Variants in L3MBTL4 observed in about 807,000 individuals in gnomAD.
L3MBTL4 encodes the protein L3MBTL histone methyl-lysine binding protein 4.
A neutral mutation model predicts 84.5 loss-of-function variants in L3MBTL4; 70 were observed. That is an observed-to-expected ratio of 0.83 (90% confidence interval 0.68 to 1.01). The LOEUF is 1.01. Among genes scored for constraint, L3MBTL4 ranks in the 50% least tolerant of loss-of-function variants. L3MBTL4 has a pLI of 0.00. For missense variants in L3MBTL4, 715 were observed against 754.8 expected (o/e 0.95, Z 0.62); for synonymous variants, 274 against 259.8 (o/e 1.05, Z -0.52).
intron 1 of L3MBTL4, among the ~76,000 whole-genome samples, chr18:6,359,969 C>G (rs1266741507): frequency 6.6e-6 from 1 of 152,082 alleles, no homozygotes; most frequent in African/African-American, 2.4e-5. Context: ...GTTAATAATT[C>G]AGAAGCACCA....
At chr18:6,033,355 G>T (rs2145629719) in intron 16 of L3MBTL4, among the ~76,000 whole-genome samples, 1 of 152,112 alleles carries the variant, frequency 6.6e-6, no homozygotes, top group Admixed American at 6.5e-5. Context: ...AATCTCTTGT[G>T]TCTTTGGATC....
At chr18:6,342,646 TG>T (rs1229572173) in intron 1 of L3MBTL4, among the ~76,000 whole-genome samples, 10 of 151,522 alleles carry the variant, frequency 6.6e-5, no homozygotes. Context: ...TGAAAGGAAA[TG>T]GCAACAGAGG....
At chr18:6,023,263 T>C (rs1442931153) in intron 16 of L3MBTL4, among the ~76,000 whole-genome samples, 1 of 152,184 alleles carries the variant, frequency 6.6e-6, no homozygotes. Flanking sequence ...GAGATGATAA[T>C]AAAACTGGAA....
chr18:6,304,180 T>C (rs2050478053), intron 3 of L3MBTL4, among the ~76,000 whole-genome samples: 2 of 152,218 alleles, frequency 1.3e-5, no homozygotes, highest in Admixed American at 1.3e-4. Context: ...CTTTTTTTAG[T>C]TCCTTTTTCA....
At chr18:6,405,595 AGGAAATGAGCCCGAGG>A (rs926070911) in intron 1 of L3MBTL4, among the ~76,000 whole-genome samples, 1 of 152,312 alleles carries the variant, frequency 6.6e-6, no homozygotes, top group African/African-American at 2.4e-5. Context: ...TGCTAAATAC[AGGAAATGAGCCCGAGG>A]GCCCACTAAA....
At chr18:6,240,975 C>T (rs2047426345) in intron 8 of L3MBTL4, among the ~76,000 whole-genome samples, 1 of 152,324 alleles carries the variant, frequency 6.6e-6, no homozygotes, top group East Asian at 1.9e-4. Context: ...TTTCATTACA[C>T]TTAAATATAT....
At chr18:6,037,744 C>T (rs1483725145) in intron 16 of L3MBTL4, among the ~76,000 whole-genome samples, 1 of 152,224 alleles carries the variant, frequency 6.6e-6, no homozygotes, top group Non-Finnish European at 1.5e-5. Context: ...CAACTGTAGC[C>T]TCTGTTAACA....
At position 6,346,495 on chromosome 18, in the gene L3MBTL4, CA is replaced by C. The variant is rs560369575; in HGVS notation, c.-90-34440del. On this transcript the variant is annotated intron_variant, in intron 1 of 18. Coordinates refer to ENST00000317931, the MANE Select transcript of L3MBTL4 (RefSeq NM_001330559.2). ...ATAAGCAACTCATATAATTCAACTA[CA>C]AAAAAAATTTAAAAACCTGATATTA... Among the ~76,000 whole-genome samples, 12 of 151,516 alleles carry C rather than the reference CA, an allele frequency of 7.9e-5. No homozygotes were observed. In the East Asian group the frequency reaches 2.3e-3, roughly 29 times the overall value.
rs1176287331 is a variant in L3MBTL4 at position 6,130,006 on chromosome 18, T to C, written c.1199+8188A>G. Among the ~76,000 whole-genome samples the C allele has an allele frequency of 3.9e-5, 6 of 152,372 alleles. No individual in the cohort carries two copies. The East Asian group carries it at 9.6e-4, about 24-fold the overall frequency. ...CTCCTTATATTATTTTATTTCTCCT[T>C]ATATTTTCTGCCATTGTACTTCCCA... On this transcript the variant is annotated intron_variant, in intron 14 of 18. Transcript: ENST00000317931.
intron 14 of L3MBTL4, among the ~76,000 whole-genome samples, chr18:6,116,263 C>T (rs1223603768): frequency 2.0e-5 from 3 of 151,888 alleles, no homozygotes; most frequent in East Asian, 3.9e-4. Flanking sequence ...AGTCATGTGA[C>T]AGGGCTCCAA....
intron 16 of L3MBTL4, among the ~76,000 whole-genome samples, chr18:6,071,128 T>C (rs1366835736): frequency 6.6e-6 from 1 of 152,078 alleles, no homozygotes; most frequent in Non-Finnish European, 1.5e-5. Flanking sequence ...CAGTGGCTTA[T>C]ACCTGTTATC....
intron 16 of L3MBTL4, among the ~76,000 whole-genome samples, chr18:5,995,177 A>G (rs1442815328): frequency 3.9e-5 from 6 of 152,254 alleles, no homozygotes; most frequent in Admixed American, 1.3e-4. Flanking sequence ...TGCTTTCCAC[A>G]GCGGCGACCA....
intron 16 of L3MBTL4, among the ~76,000 whole-genome samples, chr18:6,012,183 G>A (rs1248580799): frequency 6.6e-6 from 1 of 152,144 alleles, no homozygotes; most frequent in Non-Finnish European, 1.5e-5. Flanking sequence ...TAGAGGAAAA[G>A]CAGAAAACAC....
chr18:6,184,309 C>T (rs1253675310), intron 12 of L3MBTL4, among the ~76,000 whole-genome samples: 4 of 152,106 alleles, frequency 2.6e-5, no homozygotes, highest in Non-Finnish European at 4.4e-5. Flanking sequence ...AGGACAGAAA[C>T]CGTATTTTCT....
At chr18:6,316,423 C>T (rs538137264) in intron 1 of L3MBTL4, among the ~76,000 whole-genome samples, 6 of 152,294 alleles carry the variant, frequency 3.9e-5, no homozygotes, top group East Asian at 3.9e-4. Flanking sequence ...ATTCTGCTCA[C>T]GGGAAGTTTC....
chr18:6,267,683 T>C (rs976019903), intron 4 of L3MBTL4, among the ~76,000 whole-genome samples: 2 of 152,250 alleles, frequency 1.3e-5, no homozygotes, highest in African/African-American at 4.8e-5. Context: ...TTGTCATGCA[T>C]TATCACTTCA....
At chr18:6,001,276 G>A (rs1243927351) in intron 16 of L3MBTL4, among the ~76,000 whole-genome samples, 1 of 152,206 alleles carries the variant, frequency 6.6e-6, no homozygotes, top group African/African-American at 2.4e-5. Flanking sequence ...TTTCCGTCCA[G>A]TTTTCCCCTT....
intron 14 of L3MBTL4, among the ~76,000 whole-genome samples, chr18:6,130,758 T>G (rs987555122): frequency 2.6e-5 from 4 of 152,206 alleles, no homozygotes; most frequent in African/African-American, 9.7e-5. Flanking sequence ...AGTCCCAATA[T>G]TGTCATCTTT....
intron 1 of L3MBTL4, among the ~76,000 whole-genome samples, chr18:6,341,476 A>G (rs1303650059): frequency 6.6e-6 from 1 of 152,094 alleles, no homozygotes; most frequent in African/African-American, 2.4e-5. Flanking sequence ...AATGAAGAAT[A>G]CAACACCTGA....
Sources: allele counts gnomAD v4.1 joint callset (sites outside exome capture counted in the v4.1 genomes callset), GRCh38; gene constraint gnomAD v4.1.1; transcripts MANE v1.5; gene names NCBI Gene and HGNC (gene_info 2026-07-23, HGNC 2026-07-21).